Variants in SNTG1 observed in about 807,000 individuals in gnomAD.
The protein encoded by SNTG1 is syntrophin gamma 1, also known as gamma-1-syntrophin.
Under a neutral mutation model 74.7 loss-of-function variants are expected in SNTG1, and 39 were observed. That is an observed-to-expected ratio of 0.52 (90% CI 0.40 to 0.68). SNTG1 has a LOEUF of 0.68. SNTG1 is among the 30% of genes least tolerant of loss of function. The pLI is 0.00. For synonymous variants in SNTG1, 254 were observed against 217.1 expected (o/e 1.17, Z -1.49); for missense variants, 685 against 609.5 (o/e 1.12, Z -1.30).
intron 13 of SNTG1, among the ~76,000 whole-genome samples, chr8:50,604,822 A>T (rs1475197615): frequency 6.6e-6 from 1 of 151,920 alleles, no homozygotes; most frequent in Non-Finnish European, 1.5e-5. Flanking sequence ...GGATTCTTTC[A>T]CCCTAGTCAC....
chr8:50,690,449 C>G (rs1436620917), intron 15 of SNTG1, among the ~76,000 whole-genome samples: 3 of 152,100 alleles, frequency 2.0e-5, no homozygotes, highest in Admixed American at 6.6e-5. Flanking sequence ...TATGTTGTGT[C>G]TTTGTTCTCG....
At chr8:50,351,003 T>A (rs1048416795) in intron 2 of SNTG1, among the ~76,000 whole-genome samples, 1 of 152,202 alleles carries the variant, frequency 6.6e-6, no homozygotes, top group Admixed American at 6.5e-5. Flanking sequence ...GCTCACTCTT[T>A]GGGTCCACAC....
intron 13 of SNTG1, among the ~76,000 whole-genome samples, chr8:50,613,936 A>T (rs1256834766): frequency 6.6e-6 from 1 of 152,246 alleles, no homozygotes; most frequent in Non-Finnish European, 1.5e-5. Context: ...AAATAATTCC[A>T]TCTGTTTATG....
chr8:50,048,424 T>C (rs2130861560), intron 1 of SNTG1, among the ~76,000 whole-genome samples: 1 of 152,330 alleles, frequency 6.6e-6, no homozygotes, highest in South Asian at 2.1e-4. Context: ...GGTGAATGCA[T>C]GATCCTCATG....
chr8:50,063,736 C>CT (rs78751567), intron 1 of SNTG1, among the ~76,000 whole-genome samples: 2 of 151,802 alleles, frequency 1.3e-5, no homozygotes, highest in Non-Finnish European at 1.5e-5. Flanking sequence ...GACTTAATAG[C>CT]TTTTTTTTAA....
At chr8:50,092,523 C>T (rs1191919411) in intron 1 of SNTG1, among the ~76,000 whole-genome samples, 2 of 152,130 alleles carry the variant, frequency 1.3e-5, no homozygotes, top group African/African-American at 4.8e-5. Flanking sequence ...TTGGCGCACA[C>T]CTGATTTTGG....
chr8:50,728,189 A>T (rs1585652190), intron 17 of SNTG1, among the ~76,000 whole-genome samples: 1 of 152,224 alleles, frequency 6.6e-6, no homozygotes, highest in Non-Finnish European at 1.5e-5. Context: ...ATTCCACCAC[A>T]CCTTGGGGGT....
At position 50,779,506 on chromosome 8, in the gene SNTG1, T is replaced by A. The variant is rs1285925886; in HGVS notation, c.1396-13165T>A. Among the ~76,000 whole-genome samples, 4 of 152,162 alleles carry A rather than the reference T, an allele frequency of 2.6e-5. No homozygotes were observed. In the East Asian group the frequency reaches 7.7e-4, roughly 29 times the overall value. On this transcript the variant is annotated intron_variant, in intron 18 of 18. Coordinates refer to ENST00000642720, the MANE Select transcript of SNTG1 (RefSeq NM_018967.5). ...CACTCATTATTTGGCTCTCTGTTTGTCTTTTATTGGTGTATAAGAATGCTT... is the reference window on the plus strand; with the variant it reads ...CACTCATTATTTGGCTCTCTGTTTGACTTTTATTGGTGTATAAGAATGCTT...
chr8:50,096,234 G>C (rs1586249896), intron 1 of SNTG1, among the ~76,000 whole-genome samples: 1 of 152,272 alleles, frequency 6.6e-6, no homozygotes, highest in East Asian at 1.9e-4. Flanking sequence ...TATTGAATTT[G>C]AGGATTAGGT....
At chr8:50,179,907 GATCCAGCT>G (rs2083138969) in intron 2 of SNTG1, among the ~76,000 whole-genome samples, 1 of 152,212 alleles carries the variant, frequency 6.6e-6, no homozygotes, top group Non-Finnish European at 1.5e-5. Context: ...ACTACTGTAT[GATCCAGCT>G]ATCCTACTGC....
intron 1 of SNTG1, among the ~76,000 whole-genome samples, chr8:49,958,184 G>A (rs1448238895): frequency 6.6e-6 from 1 of 152,104 alleles, no homozygotes; most frequent in Non-Finnish European, 1.5e-5. Flanking sequence ...GCCCACAAAA[G>A]GACAAAGGCC....
intron 4 of SNTG1, among the ~76,000 whole-genome samples, chr8:50,435,546 A>C (rs1258808729): frequency 1.3e-5 from 2 of 152,198 alleles, no homozygotes; most frequent in African/African-American, 4.8e-5. Flanking sequence ...CCGCAAACAC[A>C]AACAACTGGG....
chr8:50,620,661 A>T (rs531926525), intron 13 of SNTG1, among the ~76,000 whole-genome samples: 5 of 152,202 alleles, frequency 3.3e-5, no homozygotes, highest in Non-Finnish European at 7.3e-5. Context: ...CAGTTAAGAG[A>T]GGTAAACAAT....
intron 2 of SNTG1, among the ~76,000 whole-genome samples, chr8:50,317,077 A>G (rs918300404): frequency 1.1e-4 from 16 of 152,142 alleles, no homozygotes; most frequent in African/African-American, 3.9e-4. Context: ...GAGAAGGAAA[A>G]GCTATTGGAG....
intron 1 of SNTG1, among the ~76,000 whole-genome samples, chr8:49,932,243 A>T (rs1394189771): frequency 2.0e-5 from 3 of 152,128 alleles, no homozygotes; most frequent in Non-Finnish European, 4.4e-5. Context: ...AAGTGCTCAA[A>T]CACATTTGTT....
At chr8:50,572,271 T>TAGAG (rs1325965693) in intron 12 of SNTG1, among the ~76,000 whole-genome samples, 11 of 149,008 alleles carry the variant, frequency 7.4e-5, no homozygotes, top group African/African-American at 2.7e-4. Flanking sequence ...TATATATATA[T>TAGAG]ATATAGAGAG....
chr8:50,337,528 T>C (rs1437155757), intron 2 of SNTG1, among the ~76,000 whole-genome samples: 1 of 152,130 alleles, frequency 6.6e-6, no homozygotes, highest in African/African-American at 2.4e-5. Flanking sequence ...CCCAGAGCAT[T>C]CTGTTCTGTT....
chr8:50,167,281 TA>T (rs1164621958), intron 1 of SNTG1, among the ~76,000 whole-genome samples: 1,703 of 66,674 alleles, frequency 0.026, 32 homozygotes, highest in African/African-American at 0.069. Context: ...ATAATAATAA[TA>T]AAAAAAGAAA....
intron 15 of SNTG1, among the ~76,000 whole-genome samples, chr8:50,663,119 G>A (rs531381833): frequency 6.6e-6 from 1 of 152,098 alleles, no homozygotes; most frequent in Non-Finnish European, 1.5e-5. Flanking sequence ...AGTAGGAGGG[G>A]AGGAGCAACC....
Sources: allele counts gnomAD v4.1 joint callset (sites outside exome capture counted in the v4.1 genomes callset), GRCh38; gene constraint gnomAD v4.1.1; transcripts MANE v1.5; gene names NCBI Gene and HGNC (gene_info 2026-07-23, HGNC 2026-07-21).